The following ERN1 variants were observed in gnomAD, a reference collection of about 807,000 sequenced individuals.
ERN1 encodes serine/threonine-protein kinase/endoribonuclease IRE1.
Under a neutral mutation model 113.1 loss-of-function variants are expected in ERN1, and 39 were observed. That is an observed-to-expected ratio of 0.34 (90% CI 0.27 to 0.45). The LOEUF (loss-of-function observed/expected upper bound fraction) is 0.45, where lower values mean the gene tolerates loss of function less well. Ranked by LOEUF, ERN1 falls within the 20% of genes least tolerant of loss-of-function variation. The probability of loss-of-function intolerance (pLI) is 1.00; values close to 1 mark genes in which losing one functional copy is unlikely to be tolerated. For missense variants in ERN1, 976 were observed against 1,274.8 expected (o/e 0.77, Z 3.57); for synonymous variants, 507 against 515.9 (o/e 0.98, Z 0.23).
rs1236240023 is a variant in ERN1 at position 64,042,066 on chromosome 17, G to A, written c.*1922C>T. The A allele has an allele frequency of 1.3e-5, 2 of 152,266 alleles. No homozygotes were observed. The highest frequency in any genetic ancestry group is 1.9e-4 in the East Asian group (1 of 5,192). The allele number at this position is 152,266 out of a possible 1,614,324, so 9.4% of individuals were successfully genotyped here. A position where few individuals can be genotyped will look rare whatever the true frequency, so the allele number is the denominator to read the frequency against. ...CTGTGGCAGGCCTGTTAAATCACTCGTGGCACCTTCTCCACCTTCTGATCC... is the reference window on the plus strand; with the variant it reads ...CTGTGGCAGGCCTGTTAAATCACTCATGGCACCTTCTCCACCTTCTGATCC... On this transcript the variant is annotated 3_prime_UTR_variant, in exon 22 of 22. Transcript: ENST00000433197.
At position 64,065,200 on chromosome 17, in the gene ERN1, T is replaced by C. The variant is rs774192776; in HGVS notation, c.921+9A>G. On this transcript the variant is annotated intron_variant, in intron 9 of 21. Transcript: ENST00000433197. ...TTAGGCAGCTGCGAGCCCTCCGTAGTGGACTTACCACGACAGCAACCCCCT... is the reference window on the plus strand; with the variant it reads ...TTAGGCAGCTGCGAGCCCTCCGTAGCGGACTTACCACGACAGCAACCCCCT... 3.0e-5 allele frequency: 48 copies of C among 1,600,742 alleles called. No individual in the cohort carries two copies. Among genetic ancestry groups the C allele is most frequent in the Non-Finnish European group, 3.9e-5 (46 of 1,172,852 alleles).
At chr17:64,079,098 T>G (rs951110900) in intron 4 of ERN1, among the ~76,000 whole-genome samples, 2 of 152,000 alleles carry the variant, frequency 1.3e-5, no homozygotes, top group South Asian at 4.2e-4. Context: ...CTAAATTCTC[T>G]TATCTGGGGA....
intron 4 of ERN1, among the ~76,000 whole-genome samples, chr17:64,076,911 C>T (rs1236328975): frequency 6.6e-6 from 1 of 152,154 alleles, no homozygotes; most frequent in Non-Finnish European, 1.5e-5. Context: ...GAACCAACTC[C>T]AACACTAGAA....
At chr17:64,104,357 A>G (rs913512833) in intron 1 of ERN1, among the ~76,000 whole-genome samples, 7 of 152,230 alleles carry the variant, frequency 4.6e-5, no homozygotes, top group Admixed American at 1.3e-4. Flanking sequence ...CTGCAATGGT[A>G]AGTACAGCAG....
chr17:64,057,294 G>A (rs1912901007), intron 12 of ERN1, among the ~76,000 whole-genome samples: 1 of 152,254 alleles, frequency 6.6e-6, no homozygotes, highest in East Asian at 1.9e-4. Flanking sequence ...GAACAAAATT[G>A]TCCTTTTCTG....
intron 2 of ERN1, among the ~76,000 whole-genome samples, chr17:64,087,936 G>C (rs549478990): frequency 1.6e-4 from 25 of 152,280 alleles, no homozygotes; most frequent in Non-Finnish European, 3.2e-4. Context: ...AGGGCCTGGG[G>C]AAAACATGGG....
At position 64,107,962 on chromosome 17, in the gene ERN1, T is replaced by C. The variant is rs368444668; in HGVS notation, c.55-9721A>G. On this transcript the variant is annotated intron_variant, in intron 1 of 21. Transcript: ENST00000433197. ...CCAGTCTATCGGCTGTTATGTTTCCTGATATTAAGTCAATAAAGGCAACCA... is the reference window on the plus strand; with the variant it reads ...CCAGTCTATCGGCTGTTATGTTTCCCGATATTAAGTCAATAAAGGCAACCA... Among the ~76,000 whole-genome samples the C allele has an allele frequency of 1.6e-4, 24 of 152,362 alleles. No homozygotes were observed. The South Asian group carries it at 5.0e-3, about 32-fold the overall frequency.
Position 64,040,029 on chromosome 17 carries a change from G to A in ERN1, c.*3959C>T, listed in dbSNP as rs576893332. 6.6e-6 allele frequency: 1 copy of A among 152,242 alleles called. No homozygotes were observed. The highest frequency in any genetic ancestry group is 1.5e-5 in the Non-Finnish European group (1 of 68,050). The allele number at this position is 152,242 out of a possible 1,614,324, so 9.4% of individuals were successfully genotyped here. ...TTAAAAGATGATGTCCAACCTGGGA[G>A]GGTGGAATTTCGGCTCACCTGGAGA... On this transcript the variant is annotated 3_prime_UTR_variant, in exon 22 of 22. Coordinates refer to ENST00000433197, the MANE Select transcript of ERN1 (RefSeq NM_001433.5).
chr17:64,098,790 C>T (rs552132130), intron 1 of ERN1, among the ~76,000 whole-genome samples: 2 of 152,120 alleles, frequency 1.3e-5, no homozygotes, highest in South Asian at 4.2e-4. Context: ...AAAAGCATAA[C>T]CCCAAACTGG....
At chr17:64,120,717 CA>C (rs1914933434) in intron 1 of ERN1, among the ~76,000 whole-genome samples, 1 of 152,032 alleles carries the variant, frequency 6.6e-6, no homozygotes, top group Non-Finnish European at 1.5e-5. Flanking sequence ...AAGAGCCCAC[CA>C]AAAGAACACT....
Position 64,044,266 on chromosome 17 carries a change from ACAC to A in ERN1, c.2722-69_2722-67del, listed in dbSNP as rs1912439205. On this transcript the variant is annotated intron_variant, in intron 21 of 21. Transcript: ENST00000433197. The surrounding 1 kb of genome is among the most constrained non-coding windows in gnomAD (Gnocchi z 4.1). ...AGAAAGCTCGGGAAATGTTGGCAAA[ACAC>A]CCTTTCATCATGCAAGGAAGAGACA... The A allele has an allele frequency of 4.4e-6, 5 of 1,148,800 alleles. No individual in the cohort carries two copies. The South Asian group carries it at 5.3e-5, about 12-fold the overall frequency. 71.2% of individuals were successfully genotyped at this position (1,148,800 alleles called of 1,614,324 possible). A position where few individuals can be genotyped will look rare whatever the true frequency, so the allele number is the denominator to read the frequency against.
rs1363387838 is a variant in ERN1 at position 64,129,963 on chromosome 17, C to G, written c.54+13G>C. 24 of 1,445,202 alleles carry G rather than the reference C, an allele frequency of 1.7e-5. No individual in the cohort carries two copies. The highest frequency in any genetic ancestry group is 2.1e-5 in the Non-Finnish European group (23 of 1,105,074). 89.5% of individuals were successfully genotyped at this position (1,445,202 alleles called of 1,614,324 possible). ...GCGAGCTGTCCTCCACCCCACGCTCCCCGGTCACTCACCCCGAGGCCGGGC... is the reference window on the plus strand; with the variant it reads ...GCGAGCTGTCCTCCACCCCACGCTCGCCGGTCACTCACCCCGAGGCCGGGC... On this transcript the variant is annotated intron_variant, in intron 1 of 21. Coordinates refer to ENST00000433197, the MANE Select transcript of ERN1 (RefSeq NM_001433.5).
Position 64,049,225 on chromosome 17 carries a change from A to G in ERN1, c.2254-23T>C. ...GGTCTGAAAAGAGACATGAGGCGTG[A>G]GAGGTCTGGGAGCAGAGTTTTCATC... On this transcript the variant is annotated intron_variant, in intron 17 of 21. Coordinates refer to ENST00000433197, the MANE Select transcript of ERN1 (RefSeq NM_001433.5). This position sits in a 1 kb window ranked among gnomAD's most constrained non-coding sequence, Gnocchi z 4.7. 2 of 1,556,964 alleles carry G rather than the reference A, an allele frequency of 1.3e-6. No individual in the cohort carries two copies. The highest frequency in any genetic ancestry group is 2.3e-5 in the South Asian group (2 of 85,794).
chr17:64,083,505 T>C (rs1913832489), intron 2 of ERN1, among the ~76,000 whole-genome samples: 1 of 151,850 alleles, frequency 6.6e-6, no homozygotes. Flanking sequence ...CCGATAAGAA[T>C]AAAAGCCAAT....
In ERN1 at chr17:64,040,807, C is replaced by T. The variant is rs886715608; in HGVS notation, c.*3181G>A. The T allele has an allele frequency of 6.6e-6, 1 of 152,196 alleles. No individual in the cohort carries two copies. The highest frequency in any genetic ancestry group is 1.5e-5 in the Non-Finnish European group (1 of 68,048). The allele number at this position is 152,196 out of a possible 1,614,324, so 9.4% of individuals were successfully genotyped here. ...TAATCAGGGAAATGCCAGTGTTCCC[C>T]AGGTGAAAATGTTTTGGTGCCTAAT... On this transcript the variant is annotated 3_prime_UTR_variant, in exon 22 of 22. Transcript: ENST00000433197.
Position 64,128,161 on chromosome 17 carries a change from ATTTTTTTT to A in ERN1, c.54+1807_54+1814del, listed in dbSNP as rs760752335. Among the ~76,000 whole-genome samples, 108 of 126,390 alleles carry A rather than the reference ATTTTTTTT, an allele frequency of 8.5e-4. 1 individual carries two copies. The South Asian group carries it at 0.02, about 23-fold the overall frequency. The allele number at this position is 126,390 out of a possible 152,430, so 82.9% of individuals were successfully genotyped here. ...AGGCCTGCGCTACCACGCCCGGCTAATTTTTTTTTTTTTTTTTTTTTGTATGTTTAGTA... is the reference window on the plus strand; with the variant it reads ...AGGCCTGCGCTACCACGCCCGGCTAATTTTTTTTTTTTTGTATGTTTAGTA... On this transcript the variant is annotated intron_variant, in intron 1 of 21. Transcript: ENST00000433197.
chr17:64,064,212 C>T, intron 9 of ERN1, 61 bp from the exon 10 acceptor site: 2 of 1,503,264 alleles, frequency 1.3e-6, no homozygotes, highest in Non-Finnish European at 1.8e-6. Flanking sequence ...CCACGGCACA[C>T]CATCCCAGCC....
chr17:64,043,840 T>C lies in ERN1; in HGVS notation c.*148A>G. ...CTCCCACTTCCTGGGGTCAGCACTGTCCTCTGTGGGCTGCAGAGCAGGCAG... is the reference window on the plus strand; with the variant it reads ...CTCCCACTTCCTGGGGTCAGCACTGCCCTCTGTGGGCTGCAGAGCAGGCAG... On this transcript the variant is annotated 3_prime_UTR_variant, in exon 22 of 22. Transcript: ENST00000433197. 1 of 607,796 alleles carries C rather than the reference T, an allele frequency of 1.6e-6. No individual in the cohort carries two copies. Among genetic ancestry groups the C allele is most frequent in the Admixed American group, 3.0e-5 (1 of 33,202 alleles). The allele number at this position is 607,796 out of a possible 1,614,324, so 37.7% of individuals were successfully genotyped here. A position where few individuals can be genotyped will look rare whatever the true frequency, so the allele number is the denominator to read the frequency against.
chr17:64,054,925 A>AGCTTCCT lies in ERN1; in HGVS notation c.1673-98_1673-97insAGGAAGC, dbSNP rs1598048227. ...ACAAGCTTCCTGACCTCAGATTAAAAGATGGGATTTAAGAGGCACTGCACC... is the reference window on the plus strand; with the variant it reads ...ACAAGCTTCCTGACCTCAGATTAAAAGCTTCCTGATGGGATTTAAGAGGCACTGCACC... On this transcript the variant is annotated intron_variant, in intron 13 of 21. Transcript: ENST00000433197. This position sits in a 1 kb window ranked among gnomAD's most constrained non-coding sequence, Gnocchi z 4.9. 230 of 974,458 alleles carry AGCTTCCT rather than the reference A, an allele frequency of 2.4e-4. 3 individuals carry two copies. In the East Asian group the frequency reaches 6.0e-3, roughly 25 times the overall value. The allele number at this position is 974,458 out of a possible 1,614,324, so 60.4% of individuals were successfully genotyped here.
Sources: allele counts gnomAD v4.1 joint callset (sites outside exome capture counted in the v4.1 genomes callset), GRCh38; gene constraint gnomAD v4.1.1; non-coding constraint Gnocchi (gnomAD v3.1); transcripts MANE v1.5; gene names NCBI Gene and HGNC (gene_info 2026-07-23, HGNC 2026-07-21).